Variants in ZBTB16 observed in about 807,000 individuals in gnomAD.
ZBTB16 encodes the protein zinc finger and BTB domain containing 16.
ZBTB16 carries 8 observed loss-of-function variants against 56.8 expected under a neutral mutation model. That is an observed-to-expected ratio of 0.14 (90% CI 0.08 to 0.25). The LOEUF (loss-of-function observed/expected upper bound fraction) is 0.25. Ranked by LOEUF, ZBTB16 falls within the 10% of genes least tolerant of loss-of-function variation. The pLI, the probability that ZBTB16 is intolerant of heterozygous loss-of-function variation, is 1.00. For synonymous variants in ZBTB16, 363 were observed against 368.5 expected, an observed-to-expected ratio of 0.98 and a Z score of 0.17; for missense variants, 625 against 903.0, an observed-to-expected ratio of 0.69 and a Z score of 3.95.
chr11:114,090,982 A>C (rs1940162516), intron 2 of ZBTB16, among the ~76,000 whole-genome samples: 1 of 152,124 alleles, frequency 6.6e-6, no homozygotes, highest in Non-Finnish European at 1.5e-5. Flanking sequence ...GGCTAGTGCA[A>C]ATCGCAGTGT....
chr11:114,249,932 G>A (rs1944889660), intron 6 of ZBTB16, among the ~76,000 whole-genome samples: 2 of 152,016 alleles, frequency 1.3e-5, no homozygotes, highest in South Asian at 4.2e-4. Context: ...ACTGTGGCTT[G>A]AAGAGCCATT....
At chr11:114,152,346 C>T (rs984468006) in intron 2 of ZBTB16, among the ~76,000 whole-genome samples, 6 of 152,186 alleles carry the variant, frequency 3.9e-5, no homozygotes, top group South Asian at 2.1e-4. Context: ...TTGCTAGCTT[C>T]GTTTTACTAG....
rs2135220445 is a variant in ZBTB16 at position 114,251,036 on chromosome 11, C to T, written c.*481C>T. On this transcript the variant is annotated 3_prime_UTR_variant, in exon 7 of 7. Coordinates refer to ENST00000335953, the MANE Select transcript of ZBTB16 (RefSeq NM_006006.6). ...TGGGTCTGGGCTGGGTCACTAGCTG[C>T]TCAAAATGGCAGCTCTAGTTTGCTG... 6.6e-6 allele frequency among the ~76,000 whole-genome samples: 1 copy of T among 152,266 alleles called. No individual in the cohort carries two copies. Among genetic ancestry groups the T allele is most frequent in the African/African-American group, 2.4e-5 (1 of 41,548 alleles).
intron 2 of ZBTB16, among the ~76,000 whole-genome samples, chr11:114,090,423 C>T (rs566136806): frequency 5.3e-5 from 8 of 152,316 alleles, no homozygotes; most frequent in Middle Eastern, 3.4e-3. Context: ...TGGCCAACTC[C>T]GGGAGGCTGC....
At chr11:114,148,781 C>T (rs527497448) in intron 2 of ZBTB16, among the ~76,000 whole-genome samples, 9 of 152,052 alleles carry the variant, frequency 5.9e-5, no homozygotes, top group African/African-American at 1.9e-4. Context: ...GCGTGAGCCA[C>T]CGCGCCCGCC....
intron 2 of ZBTB16, among the ~76,000 whole-genome samples, chr11:114,082,414 G>T (rs745855844): frequency 1.3e-5 from 2 of 152,222 alleles, no homozygotes; most frequent in Non-Finnish European, 2.9e-5. Context: ...CACAGTGCCT[G>T]TAACAGTGTA....
chr11:114,087,061 A>C (rs1200863170), intron 2 of ZBTB16, among the ~76,000 whole-genome samples: 1 of 152,084 alleles, frequency 6.6e-6, no homozygotes, highest in East Asian at 1.9e-4. Flanking sequence ...TTGAATCCTG[A>C]CATTGCCACT....
At chr11:114,160,020 C>T (rs1411037736) in intron 3 of ZBTB16, among the ~76,000 whole-genome samples, 1 of 150,986 alleles carries the variant, frequency 6.6e-6, no homozygotes, top group Non-Finnish European at 1.5e-5. Flanking sequence ...TGTGGTTGCC[C>T]CCCTAAATGT....
At chr11:114,244,583 G>C (rs1353219761) in intron 5 of ZBTB16, among the ~76,000 whole-genome samples, 4 of 152,106 alleles carry the variant, frequency 2.6e-5, no homozygotes, top group African/African-American at 9.7e-5. Context: ...TGCACACCGT[G>C]CTTCCAAATC....
intron 5 of ZBTB16, among the ~76,000 whole-genome samples, chr11:114,244,730 C>T (rs1286522612): frequency 6.6e-6 from 1 of 151,996 alleles, no homozygotes; most frequent in Non-Finnish European, 1.5e-5. Flanking sequence ...TTAACATGTG[C>T]TCCACTTCAT....
chr11:114,214,051 G>A (rs1944045859), intron 4 of ZBTB16, among the ~76,000 whole-genome samples: 1 of 152,292 alleles, frequency 6.6e-6, no homozygotes, highest in African/African-American at 2.4e-5. Flanking sequence ...ATATAAATCA[G>A]CCAGAGACCA....
chr11:114,180,094 G>A (rs1943211851), intron 3 of ZBTB16, among the ~76,000 whole-genome samples: 1 of 152,172 alleles, frequency 6.6e-6, no homozygotes, highest in African/African-American at 2.4e-5. Flanking sequence ...TCTGGCATGT[G>A]CGTCCTGTCT....
At chr11:114,205,705 A>G (rs1943852815) in intron 4 of ZBTB16, among the ~76,000 whole-genome samples, 1 of 152,242 alleles carries the variant, frequency 6.6e-6, no homozygotes, top group Non-Finnish European at 1.5e-5. Flanking sequence ...ATCCCATCAG[A>G]TAACATTCTT....
intron 2 of ZBTB16, among the ~76,000 whole-genome samples, chr11:114,117,820 C>A (rs1313190838): frequency 6.6e-6 from 1 of 152,190 alleles, no homozygotes; most frequent in Non-Finnish European, 1.5e-5. Context: ...TGAGAAGTAT[C>A]TTAATTTCCT....
intron 4 of ZBTB16, among the ~76,000 whole-genome samples, chr11:114,216,719 C>A (rs1944107448): frequency 6.6e-6 from 1 of 152,196 alleles, no homozygotes; most frequent in Non-Finnish European, 1.5e-5. Context: ...ACTGAGTTGG[C>A]ATGACACTAA....
intron 2 of ZBTB16, among the ~76,000 whole-genome samples, chr11:114,099,403 G>A (rs1006816522): frequency 8.6e-5 from 13 of 151,794 alleles, no homozygotes; most frequent in African/African-American, 3.1e-4. Flanking sequence ...AAGGAGTGTA[G>A]TTTATAATAA....
Position 114,063,262 on chromosome 11 carries a change from A to C in ZBTB16, c.-39A>C. ...CCCAGCCCCGCCACGCAGAGCCCAG[A>C]AGGAAAGAAAGCCTCATGCCTGAGC... is the stretch of plus-strand genomic sequence containing the variant. On this transcript the variant is annotated 5_prime_UTR_variant, in exon 2 of 7. Transcript: ENST00000335953. The surrounding 1 kb of genome is among the most constrained non-coding windows in gnomAD (Gnocchi z 6.5). 1 of 1,610,206 alleles carries C rather than the reference A, an allele frequency of 6.2e-7. No homozygotes were observed. Among genetic ancestry groups the C allele is most frequent in the Non-Finnish European group, 8.5e-7 (1 of 1,179,082 alleles).
chr11:114,099,994 C>A (rs1418869971), intron 2 of ZBTB16, among the ~76,000 whole-genome samples: 1 of 152,120 alleles, frequency 6.6e-6, no homozygotes, highest in Non-Finnish European at 1.5e-5. Flanking sequence ...CACAGTCAAC[C>A]CTCCTTAAAA....
At chr11:114,142,838 C>T (rs1472010168) in intron 2 of ZBTB16, among the ~76,000 whole-genome samples, 1 of 152,100 alleles carries the variant, frequency 6.6e-6, no homozygotes, top group Non-Finnish European at 1.5e-5. Flanking sequence ...TCCACTCTGC[C>T]TCCTCCCCCA....
Sources: allele counts gnomAD v4.1 joint callset (sites outside exome capture counted in the v4.1 genomes callset), GRCh38; gene constraint gnomAD v4.1.1; non-coding constraint Gnocchi (gnomAD v3.1); transcripts MANE v1.5; gene names NCBI Gene and HGNC (gene_info 2026-07-23, HGNC 2026-07-21).